The following ZNF536 variants were observed in gnomAD, a reference collection of about 807,000 sequenced individuals.
The protein encoded by ZNF536 is zinc finger protein 536.
In ZNF536, 13 loss-of-function variants were observed where a neutral mutation model predicts 84.5. The ratio of observed to expected loss-of-function variants is 0.15; its 90% CI spans 0.10 to 0.24. ZNF536 has a LOEUF of 0.24. ZNF536 is among the 10% of genes least tolerant of loss of function. ZNF536 has a pLI of 1.00. For missense variants in ZNF536, 1,536 were observed against 1,747.5 expected, an observed-to-expected ratio of 0.88 and a Z score of 2.16; for synonymous variants, 811 against 742.5, an observed-to-expected ratio of 1.09 and a Z score of -1.50.
intron 1 of ZNF536, among the ~76,000 whole-genome samples, chr19:30,651,593 C>T (rs947873989): frequency 6.6e-6 from 1 of 152,182 alleles, no homozygotes; most frequent in East Asian, 1.9e-4. Flanking sequence ...TGTCTGCAAA[C>T]CTATTCTGCA....
At chr19:30,364,048 AG>A (rs886338248) in intron 3 of ZNF536, among the ~76,000 whole-genome samples, 3 of 152,198 alleles carry the variant, frequency 2.0e-5, no homozygotes, top group African/African-American at 7.2e-5. Context: ...CTTAGGATAC[AG>A]GTGTGAGATG....
chr19:30,488,022 A>G (rs578037249), intron 2 of ZNF536, among the ~76,000 whole-genome samples: 44 of 152,100 alleles, frequency 2.9e-4, no homozygotes, highest in Non-Finnish European at 6.0e-4. Context: ...AATATTACCC[A>G]GCTCATTTAG....
At chr19:30,657,214 G>A (rs1394892278) in intron 1 of ZNF536, among the ~76,000 whole-genome samples, 3 of 152,192 alleles carry the variant, frequency 2.0e-5, no homozygotes, top group Non-Finnish European at 1.5e-5. Context: ...GAGAGCTCTG[G>A]AGAGGGTGCT....
At chr19:30,662,962 C>CTTTTTTTTTTTTTTT (rs951081577) in intron 1 of ZNF536, among the ~76,000 whole-genome samples, 1 of 78,772 alleles carries the variant, frequency 1.3e-5, no homozygotes, top group Non-Finnish European at 2.5e-5. Flanking sequence ...TTTTTCGTTT[C>CTTTTTTTTTTTTTTT]TTTTTTTTTT....
chr19:30,229,111 G>A (rs1186793199), intron 1 of ZNF536, among the ~76,000 whole-genome samples: 1 of 152,122 alleles, frequency 6.6e-6, no homozygotes. Context: ...TCTAAGGTTT[G>A]TGTCTGCGTG....
intron 1 of ZNF536, among the ~76,000 whole-genome samples, chr19:30,576,989 T>C (rs1549936): frequency 1.8e-4 from 27 of 152,226 alleles, no homozygotes; most frequent in Admixed American, 2.0e-4. Flanking sequence ...TTGAAGTCTG[T>C]TTTTTGTTGT....
chr19:30,691,684 A>T (rs1568675962), intron 1 of ZNF536, among the ~76,000 whole-genome samples: 1 of 152,110 alleles, frequency 6.6e-6, no homozygotes, highest in African/African-American at 2.4e-5. Flanking sequence ...CTCTAATCTA[A>T]AACAGGCAAT....
intron 1 of ZNF536, among the ~76,000 whole-genome samples, chr19:30,422,284 G>A (rs766367682): frequency 6.6e-6 from 1 of 152,152 alleles, no homozygotes; most frequent in Non-Finnish European, 1.5e-5. Flanking sequence ...AGAGGTTTAG[G>A]ATGGATTCCA....
chr19:30,534,156 T>C (rs938130143), intron 2 of ZNF536, among the ~76,000 whole-genome samples: 2 of 152,240 alleles, frequency 1.3e-5, no homozygotes, highest in South Asian at 2.1e-4. Flanking sequence ...TGCAAAAAGA[T>C]GTGTCTGCAG....
chr19:30,568,304 G>A (rs1168274670), intron 1 of ZNF536, among the ~76,000 whole-genome samples: 1 of 152,124 alleles, frequency 6.6e-6, no homozygotes, highest in African/African-American at 2.4e-5. Flanking sequence ...GGGAGTTTCC[G>A]GGGGAAGAGG....
At chr19:30,441,473 TGTC>T (rs1284866570) in intron 1 of ZNF536, among the ~76,000 whole-genome samples, 3 of 152,092 alleles carry the variant, frequency 2.0e-5, no homozygotes, top group African/African-American at 7.2e-5. Flanking sequence ...GGATAGTGGG[TGTC>T]ATGAGTCCTG....
chr19:30,463,754 G>A (rs542535286), intron 2 of ZNF536, among the ~76,000 whole-genome samples: 2 of 152,178 alleles, frequency 1.3e-5, no homozygotes, highest in African/African-American at 2.4e-5. Context: ...GCCTGCCACC[G>A]TAGACTTTTG....
chr19:30,606,041 T>C (rs904761480), intron 1 of ZNF536, among the ~76,000 whole-genome samples: 7 of 151,692 alleles, frequency 4.6e-5, no homozygotes, highest in South Asian at 2.1e-4. Context: ...CACCAGCAAA[T>C]TGAAAGAGCA....
At chr19:30,253,809 A>G (rs2024756889) in intron 1 of ZNF536, among the ~76,000 whole-genome samples, 3 of 152,108 alleles carry the variant, frequency 2.0e-5, no homozygotes, top group Admixed American at 1.3e-4. Context: ...GTGGTCCGTG[A>G]GCCATGTGTG....
upstream of ZNF536, among the ~76,000 whole-genome samples, chr19:30,227,716 T>A (rs1250700278): frequency 6.6e-6 from 1 of 151,200 alleles, no homozygotes; most frequent in African/African-American, 2.4e-5. Flanking sequence ...GGCCCTCCGG[T>A]TCCTCCTGCG....
chr19:30,569,660 T>C (rs912917857), intron 1 of ZNF536, among the ~76,000 whole-genome samples: 4 of 135,848 alleles, frequency 2.9e-5, no homozygotes, highest in African/African-American at 1.1e-4. Flanking sequence ...AACTTCTGCC[T>C]CCTGGGTTCA....
chr19:30,576,868 T>A (rs1264861187), intron 1 of ZNF536, among the ~76,000 whole-genome samples: 2 of 152,174 alleles, frequency 1.3e-5, no homozygotes, highest in African/African-American at 4.8e-5. Context: ...GCATGTCTCT[T>A]TAGGGAGGCA....
At chr19:30,545,385 CTTTTTTTTTTTTTTT>C (rs772761287) in intron 3 of ZNF536, among the ~76,000 whole-genome samples, 2 of 67,660 alleles carry the variant, frequency 3.0e-5, no homozygotes, top group African/African-American at 6.0e-5. Context: ...TCCCATATGT[CTTTTTTTTTTTTTTT>C]TTTTTTTTTT....
chr19:30,583,349 C>T (rs573106186), intron 1 of ZNF536, among the ~76,000 whole-genome samples: 56 of 152,306 alleles, frequency 3.7e-4, no homozygotes, highest in African/African-American at 1.3e-3. Flanking sequence ...GGAGATGCCC[C>T]GGGTGGCTCC....
Sources: gnomAD v4.1 joint callset for allele counts (sites outside exome capture counted in the v4.1 genomes callset) on GRCh38, gnomAD v4.1.1 for gene constraint, MANE v1.5 for transcripts, NCBI Gene and HGNC (gene_info 2026-07-23, HGNC 2026-07-21) for gene names.